Variants in FOXP2 observed in about 807,000 individuals in gnomAD.
The protein encoded by FOXP2 is forkhead box P2.
A neutral mutation model predicts 115.8 loss-of-function variants in FOXP2; 12 were observed. The ratio of observed to expected loss-of-function variants is 0.10; its 90% confidence interval spans 0.07 to 0.17. FOXP2 has a LOEUF of 0.17. FOXP2 is among the 10% of genes least tolerant of loss of function. FOXP2 has a pLI of 1.00. For synonymous variants in FOXP2, 328 were observed against 297.7 expected (o/e 1.10, Z -1.05); for missense variants, 629 against 843.5 (o/e 0.75, Z 3.15).
intron 3 of FOXP2, among the ~76,000 whole-genome samples, chr7:114,547,111 T>A (rs1799963755): frequency 6.6e-6 from 1 of 152,202 alleles, no homozygotes; most frequent in Admixed American, 6.5e-5. Flanking sequence ...TACCCAACTC[T>A]CTCTCATATT....
intron 6 of FOXP2, among the ~76,000 whole-genome samples, chr7:114,633,088 G>A (rs1805008471): frequency 6.6e-6 from 1 of 151,900 alleles, no homozygotes; most frequent in Non-Finnish European, 1.5e-5. Flanking sequence ...TCTGTATTTA[G>A]GATATAATTA....
intron 2 of FOXP2, among the ~76,000 whole-genome samples, chr7:114,354,100 G>A (rs1016506152): frequency 1.4e-4 from 22 of 152,180 alleles, no homozygotes; most frequent in East Asian, 3.9e-4. Flanking sequence ...TTTGATTGCC[G>A]GAATAAAATA....
intron 1 of FOXP2, among the ~76,000 whole-genome samples, chr7:114,192,816 C>G (rs1019385071): frequency 3.3e-5 from 5 of 152,140 alleles, no homozygotes; most frequent in African/African-American, 1.2e-4. Flanking sequence ...TTAAAGTAAT[C>G]ACATCAGCAC....
chr7:114,148,769 C>A (rs1295327231), intron 1 of FOXP2, among the ~76,000 whole-genome samples: 1 of 152,142 alleles, frequency 6.6e-6, no homozygotes, highest in Non-Finnish European at 1.5e-5. Context: ...CTCTTATGTT[C>A]CTTTTTCTTC....
At chr7:114,615,594 A>C (rs1041124280) in intron 3 of FOXP2, among the ~76,000 whole-genome samples, 1 of 152,140 alleles carries the variant, frequency 6.6e-6, no homozygotes, top group Non-Finnish European at 1.5e-5. Flanking sequence ...TCCTTCCCAG[A>C]CTCAGCCTCC....
chr7:114,277,609 T>A (rs1003340170), intron 1 of FOXP2, among the ~76,000 whole-genome samples: 2 of 152,142 alleles, frequency 1.3e-5, no homozygotes, highest in Non-Finnish European at 2.9e-5. Context: ...TTATAAAATT[T>A]TCAACAATAT....
At chr7:114,327,417 G>A (rs951220498) in intron 2 of FOXP2, among the ~76,000 whole-genome samples, 10 of 151,764 alleles carry the variant, frequency 6.6e-5, no homozygotes, top group African/African-American at 2.4e-4. Context: ...GCCTCTTGAA[G>A]TTATTACACC....
intron 1 of FOXP2, among the ~76,000 whole-genome samples, chr7:114,112,884 A>G (rs1343063305): frequency 1.3e-5 from 2 of 152,076 alleles, no homozygotes; most frequent in East Asian, 3.9e-4. Context: ...GGAGAACATG[A>G]GTTACTCATG....
rs1425319727 is a variant in FOXP2, at chr7:114,642,578, C to T, written c.944C>T (p.Ser315Phe). The change falls in exon 7 of 17, where the codon TCC (serine) becomes TTC (phenylalanine). Residue 315 changes from serine (S) to phenylalanine (F), a missense_variant. Ser to Phe is a radical substitution (Grantham distance 155). Coordinates refer to ENST00000350908, the MANE Select transcript of FOXP2 (RefSeq NM_014491.4). ...GCATCACCACCAATAACTCATCATT[C>T]CATAGTGAATGGACAGTCTTCAGTT... is the stretch of plus-strand genomic sequence containing the variant. ...SKASPPITHHSIVNGQSSVLS... is the reference protein window; with the variant it reads ...SKASPPITHHFIVNGQSSVLS... 1 of 1,613,672 alleles carries T rather than the reference C, an allele frequency of 6.2e-7. No homozygotes were observed. Among genetic ancestry groups the T allele is most frequent in the Admixed American group, 1.7e-5 (1 of 59,976 alleles).
chr7:114,418,897 A>G (rs934927024), intron 1 of FOXP2, among the ~76,000 whole-genome samples: 3 of 151,930 alleles, frequency 2.0e-5, no homozygotes, highest in African/African-American at 4.8e-5. Context: ...AATTGGAATA[A>G]CAGTGTGTTT....
intron 3 of FOXP2, among the ~76,000 whole-genome samples, chr7:114,556,148 G>T (rs1800442712): frequency 6.6e-6 from 1 of 152,138 alleles, no homozygotes; most frequent in African/African-American, 2.4e-5. Flanking sequence ...TTTTGCTGGA[G>T]TTTTAGTTTT....
chr7:114,320,583 T>C (rs1255443897), intron 2 of FOXP2, among the ~76,000 whole-genome samples: 3 of 152,248 alleles, frequency 2.0e-5, no homozygotes, highest in Non-Finnish European at 4.4e-5. Flanking sequence ...CACTCTGTCC[T>C]GTGTGGCAGA....
At chr7:114,131,267 G>A (rs1470826986) in intron 1 of FOXP2, among the ~76,000 whole-genome samples, 1 of 152,176 alleles carries the variant, frequency 6.6e-6, no homozygotes, top group South Asian at 2.1e-4. Context: ...GTATGGAAGA[G>A]TCCATTTGCT....
At chr7:114,252,935 T>C (rs1221939309) in intron 1 of FOXP2, among the ~76,000 whole-genome samples, 2 of 152,204 alleles carry the variant, frequency 1.3e-5, no homozygotes, top group Non-Finnish European at 2.9e-5. Context: ...CATTTAGTGC[T>C]ATAAATTTCC....
chr7:114,562,190 C>G (rs1465945483), intron 3 of FOXP2, among the ~76,000 whole-genome samples: 1 of 152,152 alleles, frequency 6.6e-6, no homozygotes, highest in Non-Finnish European at 1.5e-5. Flanking sequence ...TCTTCCATTT[C>G]CCAAGCTGTG....
chr7:114,174,889 G>A (rs776900203), intron 1 of FOXP2, among the ~76,000 whole-genome samples: 12 of 152,024 alleles, frequency 7.9e-5, no homozygotes, highest in Non-Finnish European at 1.8e-4. Flanking sequence ...AATGATGTAG[G>A]CTTTCTAGCA....
chr7:114,271,310 A>C (rs572731227), intron 1 of FOXP2, among the ~76,000 whole-genome samples: 1 of 150,592 alleles, frequency 6.6e-6, no homozygotes, highest in South Asian at 2.1e-4. Context: ...AACTTCCAAT[A>C]AACTGTTGAG....
chr7:114,408,593 G>C (rs1257454714), intron 2 of FOXP2, among the ~76,000 whole-genome samples: 1 of 152,020 alleles, frequency 6.6e-6, no homozygotes, highest in Non-Finnish European at 1.5e-5. Context: ...AGGGCATGGT[G>C]GTGCATGTCT....
intron 1 of FOXP2, among the ~76,000 whole-genome samples, chr7:114,136,448 T>C (rs2129146272): frequency 1.3e-5 from 2 of 152,188 alleles, no homozygotes; most frequent in South Asian, 4.1e-4. Context: ...TAGTGTGGTG[T>C]AAACTAGAAT....
Sources: gnomAD v4.1 joint callset for allele counts (sites outside exome capture counted in the v4.1 genomes callset) on GRCh38, gnomAD v4.1.1 for gene constraint, MANE v1.5 for transcripts, NCBI Gene and HGNC (gene_info 2026-07-23, HGNC 2026-07-21) for gene names.